PCNX2: variants seen among roughly 807,000 people sequenced by gnomAD.
PCNX2 encodes the protein pecanex 2, also known as pecanex-like protein 2.
In PCNX2, 168 loss-of-function variants were observed where a neutral mutation model predicts 223.8. The ratio of observed to expected loss-of-function variants is 0.75; its 90% CI spans 0.66 to 0.85. The LOEUF is 0.85. PCNX2 is among the 40% of genes least tolerant of loss of function. PCNX2 has a pLI of 0.00. For missense variants in PCNX2, 2,507 were observed against 2,675.5 expected (o/e 0.94, Z 1.39); for synonymous variants, 1,006 against 1,052.6 (o/e 0.96, Z 0.86).
intron 15 of PCNX2, among the ~76,000 whole-genome samples, chr1:233,181,785 G>C (rs1485815935): frequency 6.6e-6 from 1 of 152,120 alleles, no homozygotes; most frequent in Non-Finnish European, 1.5e-5. Flanking sequence ...GAGCATTCTA[G>C]GGCCTCTTTT....
At chr1:233,066,940 C>A (rs954040318) in intron 23 of PCNX2, among the ~76,000 whole-genome samples, 6 of 152,022 alleles carry the variant, frequency 3.9e-5, no homozygotes, top group Non-Finnish European at 5.9e-5. Context: ...TCAATAAAGG[C>A]TTAGTGGGGA....
chr1:233,314,821 G>A, the PCNX2 span, among the ~76,000 whole-genome samples: 2 of 152,110 alleles, frequency 1.3e-5, no homozygotes, highest in African/African-American at 2.4e-5. Flanking sequence ...AAATACCCCT[G>A]AAAGGGATAC....
At chr1:233,048,616 T>C (rs1397759788) in intron 25 of PCNX2, among the ~76,000 whole-genome samples, 1 of 151,870 alleles carries the variant, frequency 6.6e-6, no homozygotes, top group Non-Finnish European at 1.5e-5. Flanking sequence ...AGAAAAACAA[T>C]AACAATCTAA....
chr1:233,035,716 C>T (rs578169247), intron 25 of PCNX2, among the ~76,000 whole-genome samples: 1 of 152,316 alleles, frequency 6.6e-6, no homozygotes, highest in South Asian at 2.1e-4. Flanking sequence ...GTATTTCCTT[C>T]TGTGGTCACA....
rs1438839195 is a variant in PCNX2 at position 233,258,780 on chromosome 1, G to A, written c.1082C>T (p.Thr361Ile). The A allele has an allele frequency of 6.2e-7, 1 of 1,613,802 alleles. No individual in the cohort carries two copies. The part of the protein sequence containing the change: ...DSEVAVTLID[T>I]SQPGDPLSLH... ...ACTCAGTGGGTCTCCGGGTTGAGAA[G>A]TATCGATGAGAGTAACAGCTACCTC... is the stretch of plus-strand genomic sequence containing the variant. The change falls in exon 5 of 34, where the codon ACT becomes ATT. Residue 361 changes from threonine to isoleucine, a missense_variant. Thr to Ile is a moderately conservative substitution (Grantham distance 89). Transcript: ENST00000258229.
rs763004144 is a variant in PCNX2, at chr1:233,000,469, C to T, written c.5164G>A (p.Glu1722Lys). The T allele has an allele frequency of 5.6e-6, 9 of 1,597,264 alleles. No homozygotes were observed. Among genetic ancestry groups the T allele is most frequent in the South Asian group, 2.3e-5 (2 of 88,592 alleles). The change falls in exon 30 of 34, where the codon GAG becomes AAG. Residue 1722 changes from glutamate (E) to lysine (K), a missense_variant. By Grantham distance (56) the Glu-to-Lys change is moderately conservative. This residue lies in a region of PCNX2 where 1,372 missense variants were observed against 1,509.4 expected (regional missense o/e 0.91). Coordinates refer to ENST00000258229, the MANE Select transcript of PCNX2 (RefSeq NM_014801.4). This position sits in a 1 kb window ranked among gnomAD's most constrained non-coding sequence, Gnocchi z 4.6. ...TCGTGGCAGATGACCACCTTCTTCT[C>T]GAAGGACTGGATGGCCTCGTAGAGG... Reference protein sequence around the residue: ...AVLYEAIQSFEKKVVICHEGD... With the variant: ...AVLYEAIQSFKKKVVICHEGD...
intron 23 of PCNX2, among the ~76,000 whole-genome samples, chr1:233,084,243 A>G (rs1673492579): frequency 6.6e-6 from 1 of 152,196 alleles, no homozygotes; most frequent in South Asian, 2.1e-4. Flanking sequence ...CTGATGTTCT[A>G]CCGCTGCCTC....
At chr1:233,310,246 A>T in the PCNX2 span, among the ~76,000 whole-genome samples, 1 of 152,224 alleles carries the variant, frequency 6.6e-6, no homozygotes. Context: ...ATTTTAAAAA[A>T]TTTTTGCTCA....
At chr1:233,268,335 G>C (rs1346794151) in intron 1 of PCNX2, among the ~76,000 whole-genome samples, 3 of 152,178 alleles carry the variant, frequency 2.0e-5, no homozygotes, top group African/African-American at 7.2e-5. Context: ...GGCCTGGAGA[G>C]ATAAAAAATC....
rs527450518 is a variant in PCNX2 at position 233,207,962 on chromosome 1, T to A, written c.2863+556A>T. On this transcript the variant is annotated intron_variant, in intron 13 of 33. Transcript: ENST00000258229. ...CCATTCTTCAGATGAGCATTTATTT[T>A]TTTTTTTTTTGAGAAAGAGTTTCAC... Among the ~76,000 whole-genome samples, 7 of 152,250 alleles carry A rather than the reference T, an allele frequency of 4.6e-5. No individual in the cohort carries two copies. The South Asian group carries it at 6.2e-4, about 14-fold the overall frequency.
At chr1:233,296,750 T>C (rs1051260346), upstream of PCNX2, among the ~76,000 whole-genome samples, 3 of 152,218 alleles carry the variant, frequency 2.0e-5, no homozygotes, top group South Asian at 2.1e-4. Context: ...CTCCTCTGAC[T>C]TGTGTGCCTG....
chr1:233,061,798 G>A (rs1016464848), intron 23 of PCNX2, among the ~76,000 whole-genome samples: 8 of 151,748 alleles, frequency 5.3e-5, no homozygotes, highest in South Asian at 2.1e-4. Flanking sequence ...TTACTCTGTC[G>A]CCCAGGCTGG....
chr1:233,233,701 G>C (rs557105752), intron 9 of PCNX2, among the ~76,000 whole-genome samples: 167 of 152,080 alleles, frequency 1.1e-3, no homozygotes, highest in African/African-American at 3.9e-3. Context: ...CCCAGAGCTC[G>C]TGTGCTGCAC....
chr1:233,121,543 C>T (rs1378574861), intron 21 of PCNX2, among the ~76,000 whole-genome samples: 1 of 152,086 alleles, frequency 6.6e-6, no homozygotes, highest in Non-Finnish European at 1.5e-5. Flanking sequence ...ATATGGTCAA[C>T]TAGTTGTTGT....
chr1:233,271,460 T>C (rs1485691725), intron 1 of PCNX2, among the ~76,000 whole-genome samples: 1 of 152,198 alleles, frequency 6.6e-6, no homozygotes, highest in Admixed American at 6.5e-5. Context: ...GTTTATTAAG[T>C]GCCCTCAAAC....
chr1:233,302,412 A>T, the PCNX2 span, among the ~76,000 whole-genome samples: 1 of 151,912 alleles, frequency 6.6e-6, no homozygotes, highest in Non-Finnish European at 1.5e-5. Flanking sequence ...AAAATCAGTT[A>T]TTTGTGCCAT....
rs1161764803 is a variant in PCNX2 at position 233,253,536 on chromosome 1, G to A, written c.1835-748C>T. 1.3e-5 allele frequency among the ~76,000 whole-genome samples: 2 copies of A among 152,242 alleles called. No homozygotes were observed. Among genetic ancestry groups the A allele is most frequent in the East Asian group, 3.9e-4 (2 of 5,166 alleles). On this transcript the variant is annotated intron_variant, in intron 5 of 33. Transcript: ENST00000258229. The surrounding 1 kb of genome is among the most constrained non-coding windows in gnomAD (Gnocchi z 4.2). ...ATTTTTTAAATTTTATGTAGGTATA[G>A]GGGCACGCTATGTTGTTCAGGCTGG...
chr1:233,204,765 T>C (rs1322974294), intron 13 of PCNX2, among the ~76,000 whole-genome samples: 1 of 152,244 alleles, frequency 6.6e-6, no homozygotes, highest in African/African-American at 2.4e-5. Context: ...TCTATTTTTC[T>C]ATTTATCTTT....
At chr1:233,249,972 C>G (rs913162610) in intron 8 of PCNX2, among the ~76,000 whole-genome samples, 2 of 152,210 alleles carry the variant, frequency 1.3e-5, no homozygotes, top group African/African-American at 4.8e-5. Flanking sequence ...CATGGGGTCA[C>G]AGACTCTGAA....
Sources: allele counts gnomAD v4.1 joint callset (sites outside exome capture counted in the v4.1 genomes callset), GRCh38; gene constraint gnomAD v4.1.1; regional missense constraint gnomAD v4.1.1; non-coding constraint Gnocchi (gnomAD v3.1); transcripts MANE v1.5; gene names NCBI Gene and HGNC (gene_info 2026-07-23, HGNC 2026-07-21).